Variants in SH2D1A observed in about 807,000 individuals in gnomAD.
SH2D1A encodes SH2 domain containing 1A.
In SH2D1A, 6 loss-of-function variants were observed where a neutral mutation model predicts 10.1. The ratio of observed to expected loss-of-function variants is 0.60; its 90% CI spans 0.33 to 1.18. The LOEUF (loss-of-function observed/expected upper bound fraction) is 1.18, where lower values mean the gene tolerates loss of function less well. SH2D1A is among the 50% of genes most tolerant of loss of function. The pLI is 0.04. For missense variants in SH2D1A, 51 were observed against 97.6 expected, an observed-to-expected ratio of 0.52 and a Z score of 2.01; for synonymous variants, 42 against 36.9, an observed-to-expected ratio of 1.14 and a Z score of -0.51.
intron 1 of SH2D1A, among the ~76,000 whole-genome samples, chrX:124,356,298 T>A (rs973301677): frequency 4.5e-5 from 5 of 110,986 alleles, no homozygotes; most frequent in Non-Finnish European, 9.4e-5. Context: ...TAATCCAGTC[T>A]ATCATTGATG....
chrX:124,361,880 C>A (rs904979821), intron 1 of SH2D1A, among the ~76,000 whole-genome samples: 5 of 111,569 alleles, frequency 4.5e-5, no homozygotes, highest in African/African-American at 1.6e-4. Context: ...GGAACTGGAA[C>A]TTAAACATTT....
At chrX:124,349,502 C>G (rs753383519) in intron 1 of SH2D1A, among the ~76,000 whole-genome samples, 353 of 111,740 alleles carry the variant, frequency 3.2e-3, no homozygotes, top group African/African-American at 0.011. Context: ...CAAGGTATAG[C>G]TGACAAACAT....
intron 1 of SH2D1A, among the ~76,000 whole-genome samples, chrX:124,347,725 C>T (rs930919769): frequency 9.0e-6 from 1 of 111,231 alleles, no homozygotes; most frequent in African/African-American, 3.3e-5. Context: ...AGCACTGGGG[C>T]CTGACACCTA....
intron 1 of SH2D1A, among the ~76,000 whole-genome samples, chrX:124,351,168 G>A (rs1238268282): frequency 2.0e-5 from 2 of 99,006 alleles, no homozygotes; most frequent in Non-Finnish European, 4.0e-5. Flanking sequence ...AATTGTATAC[G>A]TTTCCCATTT....
At chrX:124,349,341 T>C (rs1316390368) in intron 1 of SH2D1A, among the ~76,000 whole-genome samples, 1 of 111,986 alleles carries the variant, frequency 8.9e-6, no homozygotes, top group Admixed American at 9.5e-5. Context: ...TTTTGATAAA[T>C]GTAAAAATTT....
chrX:124,357,029 C>T (rs2060028113), intron 1 of SH2D1A, among the ~76,000 whole-genome samples: 1 of 111,500 alleles, frequency 9.0e-6, no homozygotes, highest in Admixed American at 9.5e-5. Context: ...TTCAAGAATA[C>T]AATACATTGT....
At chrX:124,357,621 G>C (rs753689347) in intron 1 of SH2D1A, among the ~76,000 whole-genome samples, 3 of 111,312 alleles carry the variant, frequency 2.7e-5, no homozygotes, top group East Asian at 5.7e-4. Context: ...AGTGTGCAAG[G>C]GTTCCCTTCT....
In SH2D1A at chrX:124,369,524, A is replaced by G. The variant is rs368582979; in HGVS notation, c.202-652A>G. 1.3e-4 allele frequency among the ~76,000 whole-genome samples: 15 copies of G among 112,188 alleles called. No individual in the cohort carries two copies. In the East Asian group the frequency reaches 2.8e-3, roughly 21 times the overall value. On this transcript the variant is annotated intron_variant, in intron 2 of 3. Transcript: ENST00000371139. ...TCATAGAGAAAACCTTGTTACAGTG[A>G]CGTGCTGATGGAGAGAACAATTTTG...
At chrX:124,366,782 GTTTA>G (rs914425762) in intron 2 of SH2D1A, among the ~76,000 whole-genome samples, 2 of 109,360 alleles carry the variant, frequency 1.8e-5, no homozygotes, top group African/African-American at 6.7e-5. Flanking sequence ...ATTTATACCT[GTTTA>G]TTTAAAAAAT....
Position 124,373,041 on chromosome X carries a change from T to C in SH2D1A, c.*1650T>C, listed in dbSNP as rs1024845423. ...TAATGTGTTCATTCTGGAATAATCC[T>C]AAACATATGAATTATGTTTGCATGT... On this transcript the variant is annotated 3_prime_UTR_variant, in exon 4 of 4. Coordinates refer to ENST00000371139, the MANE Select transcript of SH2D1A (RefSeq NM_002351.5). 2.6e-5 allele frequency: 4 copies of C among 156,508 alleles called. No individual in the cohort carries two copies. Among genetic ancestry groups the C allele is most frequent in the African/African-American group, 1.2e-4 (4 of 32,989 alleles). The allele number at this position is 156,508 out of a possible 1,213,427, so 12.9% of individuals were successfully genotyped here. A position where few individuals can be genotyped will look rare whatever the true frequency, so the allele number is the denominator to read the frequency against.
rs1238090646 is a variant in SH2D1A, at chrX:124,373,075, A to G, written c.*1684A>G. On this transcript the variant is annotated 3_prime_UTR_variant, in exon 4 of 4. Transcript: ENST00000371139. ...GAATTATGTTTGCATGTTCACTTCC[A>G]AGAGCCTTTTTTTGAAAAAAAGCTT... is the stretch of plus-strand genomic sequence containing the variant. The G allele has an allele frequency of 1.3e-5, 2 of 154,374 alleles. No individual in the cohort carries two copies. The highest frequency in any genetic ancestry group is 3.0e-5 in the African/African-American group (1 of 32,844). 12.7% of individuals were successfully genotyped at this position (154,374 alleles called of 1,213,427 possible).
intron 1 of SH2D1A, among the ~76,000 whole-genome samples, chrX:124,352,331 CTATT>C (rs1440437951): frequency 1.8e-5 from 2 of 111,410 alleles, no homozygotes; most frequent in African/African-American, 3.2e-5. Context: ...TCTGGACTAT[CTATT>C]TGTCTCAATT....
Position 124,351,135 on chromosome X carries a change from T to C in SH2D1A, c.137+4356T>C, listed in dbSNP as rs373961539. 6.4e-3 allele frequency among the ~76,000 whole-genome samples: 630 copies of C among 98,488 alleles called. 7 individuals are homozygous for C. Among genetic ancestry groups the C allele is most frequent in the African/African-American group, 0.02 (557 of 27,263 alleles). The allele number at this position is 98,488 out of a possible 115,157, so 85.5% of individuals were successfully genotyped here. ...TATAAATTTACATGTGTTAAAAATA[T>C]GATTGTGTTCTTGTATTCTTACAAT... On this transcript the variant is annotated intron_variant, in intron 1 of 3. Coordinates refer to ENST00000371139, the MANE Select transcript of SH2D1A (RefSeq NM_002351.5).
At chrX:124,368,045 C>T (rs2060060237) in intron 2 of SH2D1A, among the ~76,000 whole-genome samples, 1 of 111,555 alleles carries the variant, frequency 9.0e-6, no homozygotes, top group African/African-American at 3.3e-5. Flanking sequence ...ACATCAGATC[C>T]CCAATTCAAA....
At chrX:124,367,578 A>G (rs1177882146) in intron 2 of SH2D1A, 1 of 112,179 alleles carries the variant, frequency 8.9e-6, no homozygotes, top group Non-Finnish European at 1.9e-5. Context: ...GATTTTTGGA[A>G]CAATGTTTTA....
intron 1 of SH2D1A, among the ~76,000 whole-genome samples, chrX:124,364,809 A>G (rs1353497464): frequency 9.0e-6 from 1 of 111,543 alleles, no homozygotes; most frequent in Non-Finnish European, 1.9e-5. Context: ...TACAGTGTTC[A>G]TAACATTCTA....
At chrX:124,369,872 C>T (rs1047393927) in intron 2 of SH2D1A, among the ~76,000 whole-genome samples, 3 of 110,870 alleles carry the variant, frequency 2.7e-5, no homozygotes, top group African/African-American at 9.9e-5. Flanking sequence ...CCTGTATACC[C>T]TTAGAGGTTT....
intron 2 of SH2D1A, among the ~76,000 whole-genome samples, chrX:124,367,421 T>C (rs2060058631): frequency 8.9e-6 from 1 of 111,983 alleles, no homozygotes; most frequent in Non-Finnish European, 1.9e-5. Context: ...CTAATACATG[T>C]TTCCATGGAT....
intron 1 of SH2D1A, among the ~76,000 whole-genome samples, chrX:124,353,446 T>A (rs1335860789): frequency 8.9e-6 from 1 of 111,832 alleles, no homozygotes; most frequent in Non-Finnish European, 1.9e-5. Flanking sequence ...TGTTCTTGTA[T>A]TTATCCAGTG....
Sources: allele counts gnomAD v4.1 joint callset (sites outside exome capture counted in the v4.1 genomes callset), GRCh38; gene constraint gnomAD v4.1.1; transcripts MANE v1.5; gene names NCBI Gene and HGNC (gene_info 2026-07-23, HGNC 2026-07-21).